The following RFPL1 variants were observed in gnomAD, a reference collection of about 807,000 sequenced individuals.
RFPL1 encodes the protein ret finger protein-like 1.
A neutral mutation model predicts 9.6 loss-of-function variants in RFPL1; 6 were observed. That is an observed-to-expected ratio of 0.62 (90% CI 0.34 to 1.23). RFPL1 has a LOEUF of 1.23. Among genes scored for constraint, RFPL1 ranks in the 50% most tolerant of loss-of-function variants. RFPL1 has a pLI of 0.03. For synonymous variants in RFPL1, 145 were observed against 149.4 expected (o/e 0.97, Z 0.22); for missense variants, 352 against 398.4 (o/e 0.88, Z 0.99).
chr22:29,431,599 A>G, the RFPL1 span, among the ~76,000 whole-genome samples: 1 of 152,168 alleles, frequency 6.6e-6, no homozygotes, highest in African/African-American at 2.4e-5. Flanking sequence ...CACATATGCA[A>G]TGATAAGTTT....
At chr22:29,406,698 A>C in the RFPL1 span, among the ~76,000 whole-genome samples, 3 of 152,214 alleles carry the variant, frequency 2.0e-5, no homozygotes, top group African/African-American at 7.2e-5. Flanking sequence ...TCTGTGAATA[A>C]GTTTTTACTA....
chr22:29,412,219 G>T, the RFPL1 span, among the ~76,000 whole-genome samples: 3 of 152,170 alleles, frequency 2.0e-5, no homozygotes, highest in Non-Finnish European at 4.4e-5. Flanking sequence ...ACACAGAGAG[G>T]TCCCAGACCT....
chr22:29,436,513 T>C (rs1030168827), upstream of RFPL1: 3 of 151,638 alleles, frequency 2.0e-5, no homozygotes, highest in Non-Finnish European at 4.4e-5. Context: ...GGCAGGAGAA[T>C]TGCTTGAGCC....
At chr22:29,418,693 T>C in the RFPL1 span, among the ~76,000 whole-genome samples, 3 of 152,120 alleles carry the variant, frequency 2.0e-5, no homozygotes, top group Non-Finnish European at 4.4e-5. Flanking sequence ...AGAGACAGGA[T>C]ATCACCACAT....
At chr22:29,425,346 C>T in the RFPL1 span, among the ~76,000 whole-genome samples, 6 of 152,042 alleles carry the variant, frequency 3.9e-5, no homozygotes, top group African/African-American at 1.2e-4. Flanking sequence ...GTTTAAGAAA[C>T]GCCTTTGCAG....
the RFPL1 span, among the ~76,000 whole-genome samples, chr22:29,395,660 C>T: frequency 6.6e-6 from 1 of 152,184 alleles, no homozygotes; most frequent in Non-Finnish European, 1.5e-5. Context: ...GAACTACCCT[C>T]CGCCGATGCA....
chr22:29,409,562 A>G, the RFPL1 span, among the ~76,000 whole-genome samples: 278 of 152,140 alleles, frequency 1.8e-3, no homozygotes, highest in African/African-American at 6.2e-3. Flanking sequence ...GACTGTCACT[A>G]TGTTCTCCTA....
the RFPL1 span, among the ~76,000 whole-genome samples, chr22:29,416,102 C>A: frequency 5.9e-5 from 9 of 152,220 alleles, no homozygotes; most frequent in Non-Finnish European, 1.0e-4. Context: ...CCCTTCCATG[C>A]CACTTCATTC....
chr22:29,398,486 T>C, the RFPL1 span, among the ~76,000 whole-genome samples: 1 of 152,200 alleles, frequency 6.6e-6, no homozygotes, highest in Non-Finnish European at 1.5e-5. Flanking sequence ...GTTGAGGGCA[T>C]GCAATCCTCG....
At chr22:29,417,235 T>C in the RFPL1 span, among the ~76,000 whole-genome samples, 1 of 151,904 alleles carries the variant, frequency 6.6e-6, no homozygotes, top group East Asian at 1.9e-4. Flanking sequence ...CAAAGATGTT[T>C]CTCCTCTGTG....
intron 1 of RFPL1, chr22:29,441,260 C>G (rs1602924697): frequency 2.2e-6 from 1 of 447,412 alleles, no homozygotes; most frequent in Non-Finnish European, 4.0e-6. Flanking sequence ...TGGTGTCTGC[C>G]TTCAGAGACC....
the RFPL1 span, among the ~76,000 whole-genome samples, chr22:29,426,985 A>T: frequency 7.2e-5 from 11 of 152,180 alleles, no homozygotes; most frequent in Admixed American, 6.5e-4. Flanking sequence ...CAGCCTTTAC[A>T]TCCATGAAAT....
the RFPL1 span, among the ~76,000 whole-genome samples, chr22:29,410,297 G>C: frequency 4.1e-5 from 4 of 98,220 alleles, no homozygotes; most frequent in East Asian, 3.2e-4. Context: ...TATATATGTA[G>C]ATATATATCT....
chr22:29,408,851 A>G, the RFPL1 span, among the ~76,000 whole-genome samples: 1 of 152,162 alleles, frequency 6.6e-6, no homozygotes, highest in Non-Finnish European at 1.5e-5. Flanking sequence ...TAGACTTGCT[A>G]AATATTCCAA....
the RFPL1 span, among the ~76,000 whole-genome samples, chr22:29,409,134 G>A: frequency 2.0e-5 from 3 of 151,740 alleles, no homozygotes; most frequent in African/African-American, 2.4e-5. Flanking sequence ...TTTAAAGTAC[G>A]TGATTCAGCG....
chr22:29,421,612 C>T, the RFPL1 span, among the ~76,000 whole-genome samples: 1 of 151,206 alleles, frequency 6.6e-6, no homozygotes, highest in Non-Finnish European at 1.5e-5. Flanking sequence ...GTAATCCTCC[C>T]ACCCAAGCCA....
the RFPL1 span, among the ~76,000 whole-genome samples, chr22:29,398,701 C>CA: frequency 6.6e-6 from 1 of 152,190 alleles, no homozygotes; most frequent in Non-Finnish European, 1.5e-5. Context: ...ACAAAGAACA[C>CA]ACCGTAGTCA....
chr22:29,398,277 G>A, the RFPL1 span, among the ~76,000 whole-genome samples: 3 of 152,298 alleles, frequency 2.0e-5, no homozygotes, highest in South Asian at 2.1e-4. Flanking sequence ...TACAACAAGG[G>A]GACTGGACTG....
chr22:29,410,654 A>C, the RFPL1 span, among the ~76,000 whole-genome samples: 3 of 135,472 alleles, frequency 2.2e-5, no homozygotes, highest in Admixed American at 1.5e-4. Context: ...ATATCTATCT[A>C]TATATATATT....
Sources: allele counts gnomAD v4.1 joint callset (sites outside exome capture counted in the v4.1 genomes callset), GRCh38; gene constraint gnomAD v4.1.1; transcripts MANE v1.5; gene names NCBI Gene and HGNC (gene_info 2026-07-23, HGNC 2026-07-21).